ASB5: variants seen among roughly 807,000 people sequenced by gnomAD.
ASB5 encodes the protein ankyrin repeat and SOCS box containing 5.
ASB5 carries 45 observed loss-of-function variants against 42.1 expected under a neutral mutation model. The ratio of observed to expected loss-of-function variants is 1.07; its 90% confidence interval spans 0.84 to 1.37. ASB5 has a LOEUF of 1.37. ASB5 is among the 40% of genes most tolerant of loss of function. The pLI, the probability that ASB5 is intolerant of heterozygous loss-of-function variation, is 0.00. For synonymous variants in ASB5, 147 were observed against 150.6 expected (o/e 0.98, Z 0.18); for missense variants, 402 against 399.8 (o/e 1.01, Z -0.05).
chr4:176,238,333 C>T (rs1436111316), intron 1 of ASB5, among the ~76,000 whole-genome samples: 1 of 151,976 alleles, frequency 6.6e-6, no homozygotes, highest in South Asian at 2.1e-4. Context: ...TATATAGGCA[C>T]AGCTCACTAT....
chr4:176,232,125 A>T (rs1015787818), intron 1 of ASB5, among the ~76,000 whole-genome samples: 118 of 141,950 alleles, frequency 8.3e-4, no homozygotes, highest in African/African-American at 2.0e-3. Context: ...ATATATATAT[A>T]TACTTTTTTT....
intron 1 of ASB5, among the ~76,000 whole-genome samples, chr4:176,231,659 C>CAA (rs11362445): frequency 0.025 from 2,542 of 101,860 alleles, 105 homozygotes; most frequent in African/African-American, 0.092. Context: ...CTTGTCTCTG[C>CAA]AAAAAAAAAA....
In ASB5 at chr4:176,241,414, TA is replaced by T. The variant is rs1403780052; in HGVS notation, c.197-16074del. 3.4e-6 allele frequency: 5 copies of T among 1,463,254 alleles called. No homozygotes were observed. The East Asian group carries it at 1.2e-4, about 36-fold the overall frequency. The allele number at this position is 1,463,254 out of a possible 1,614,324, so 90.6% of individuals were successfully genotyped here. Reference sequence around the variant, plus strand: ...ATTAAGGGCTCACTAAGTAAAAAAATAAAACCTCCTTAAATCATCACAGAGA... The same window carrying T: ...ATTAAGGGCTCACTAAGTAAAAAAATAAACCTCCTTAAATCATCACAGAGA... On this transcript the variant is annotated intron_variant, in intron 1 of 6. Coordinates refer to ENST00000296525, the MANE Select transcript of ASB5 (RefSeq NM_080874.4).
chr4:176,242,044 G>T (rs554493287), intron 1 of ASB5, among the ~76,000 whole-genome samples: 1 of 152,282 alleles, frequency 6.6e-6, no homozygotes, highest in East Asian at 1.9e-4. Context: ...CTTTACCTCC[G>T]CATGTTGCTA....
At chr4:176,249,699 A>G (rs1353604590) in intron 1 of ASB5, 1 of 151,850 alleles carries the variant, frequency 6.6e-6, no homozygotes, top group Admixed American at 6.6e-5. Flanking sequence ...ATGGAGTTAG[A>G]CGAGTGCTCC....
In ASB5 at chr4:176,221,431, A is replaced by G. The variant is rs755556820; in HGVS notation, c.535+19T>C. On this transcript the variant is annotated intron_variant, in intron 4 of 6. Transcript: ENST00000296525. ...AAGAAACTTTCTTCCCTTGTCACTT[A>G]ATCCCAGAACTAAGTTACCTTTACT... 1.9e-6 allele frequency: 3 copies of G among 1,609,912 alleles called. No individual in the cohort carries two copies. In the South Asian group the frequency reaches 3.3e-5, roughly 18 times the overall value.
At chr4:176,224,221 A>ATTTTTTTTTTT (rs869080360) in intron 2 of ASB5, among the ~76,000 whole-genome samples, 3 of 87,234 alleles carry the variant, frequency 3.4e-5, no homozygotes, top group African/African-American at 4.8e-5. Context: ...TGTGCATTTG[A>ATTTTTTTTTTT]TTTTTTTTTT....
At chr4:176,230,849 G>A (rs1020483113) in intron 1 of ASB5, among the ~76,000 whole-genome samples, 1 of 152,140 alleles carries the variant, frequency 6.6e-6, no homozygotes, top group Non-Finnish European at 1.5e-5. Context: ...CTTTCATTGA[G>A]TGTCTAAGAT....
At chr4:176,219,120 G>T (rs1753089285) in intron 5 of ASB5, among the ~76,000 whole-genome samples, 5 of 96,798 alleles carry the variant, frequency 5.2e-5, no homozygotes, top group South Asian at 3.2e-4. Context: ...ATATTTGTAT[G>T]ATATATATAT....
chr4:176,254,659 A>G (rs556693876), intron 1 of ASB5, among the ~76,000 whole-genome samples: 1 of 152,328 alleles, frequency 6.6e-6, no homozygotes, highest in East Asian at 1.9e-4. Flanking sequence ...GCATCTAACA[A>G]AAAGGTCTAA....
chr4:176,271,563 T>C (rs539853158), upstream of ASB5, among the ~76,000 whole-genome samples: 23 of 152,296 alleles, frequency 1.5e-4, no homozygotes, highest in Non-Finnish European at 2.9e-4. Context: ...CCTAATTTTG[T>C]TAGCTTCGAT....
chr4:176,215,928 A>G (rs779847690), intron 6 of ASB5, among the ~76,000 whole-genome samples: 4 of 152,138 alleles, frequency 2.6e-5, no homozygotes, highest in Admixed American at 6.6e-5. Context: ...TATATTCCAT[A>G]TACATTCCTT....
chr4:176,226,980 C>T (rs535541425), intron 1 of ASB5, among the ~76,000 whole-genome samples: 78 of 152,352 alleles, frequency 5.1e-4, no homozygotes, highest in South Asian at 4.3e-3. Context: ...TGCTATAAAA[C>T]GGGTATCACC....
upstream of ASB5, among the ~76,000 whole-genome samples, chr4:176,270,527 AAATAAT>A (rs921659564): frequency 6.6e-6 from 1 of 152,044 alleles, no homozygotes; most frequent in African/African-American, 2.4e-5. Flanking sequence ...GGCTCTCAGA[AAATAAT>A]AATAATAATA....
intron 1 of ASB5, among the ~76,000 whole-genome samples, chr4:176,246,311 G>A (rs1438095780): frequency 6.6e-6 from 1 of 152,104 alleles, no homozygotes; most frequent in Non-Finnish European, 1.5e-5. Context: ...ATTTTTCTGA[G>A]GCAATCTTCT....
intron 1 of ASB5, among the ~76,000 whole-genome samples, chr4:176,233,045 A>T (rs2128427): frequency 0.15 from 22,545 of 152,176 alleles, 1,995 homozygotes; most frequent in African/African-American, 0.24. Flanking sequence ...CTCAACTGTA[A>T]AAACAAGGAT....
chr4:176,238,458 A>G (rs1753741325), intron 1 of ASB5, among the ~76,000 whole-genome samples: 1 of 152,178 alleles, frequency 6.6e-6, no homozygotes, highest in Non-Finnish European at 1.5e-5. Context: ...GGATGAGAGG[A>G]AAAACCAAAC....
At chr4:176,222,749 C>G (rs189287146) in intron 2 of ASB5, among the ~76,000 whole-genome samples, 238 of 142,880 alleles carry the variant, frequency 1.7e-3, no homozygotes, top group African/African-American at 5.9e-3. Context: ...ACTAAACACT[C>G]GTTTTGTAGA....
intron 1 of ASB5, among the ~76,000 whole-genome samples, chr4:176,235,313 C>T (rs1753658023): frequency 1.3e-5 from 2 of 152,108 alleles, no homozygotes; most frequent in South Asian, 4.1e-4. Context: ...ATTTGACATA[C>T]ACAAGAAATC....
Sources: allele counts gnomAD v4.1 joint callset (sites outside exome capture counted in the v4.1 genomes callset), GRCh38; gene constraint gnomAD v4.1.1; transcripts MANE v1.5; gene names NCBI Gene and HGNC (gene_info 2026-07-23, HGNC 2026-07-21).